CASD1: variants seen among roughly 807,000 people sequenced by gnomAD.
The protein encoded by CASD1 is CAS1 domain sialic acid O acetyltransferase 1.
A neutral mutation model predicts 100.0 loss-of-function variants in CASD1; 41 were observed. The ratio of observed to expected loss-of-function variants is 0.41; its 90% CI spans 0.32 to 0.53. The LOEUF is 0.53. Among genes scored for constraint, CASD1 ranks in the 20% least tolerant of loss-of-function variants. The probability of loss-of-function intolerance (pLI) is 0.25; values close to 1 mark genes in which losing one functional copy is unlikely to be tolerated. For synonymous variants in CASD1, 321 were observed against 315.6 expected (o/e 1.02, Z -0.18); for missense variants, 774 against 948.7 (o/e 0.82, Z 2.42).
the CASD1 span, chr7:94,585,601 A>C: frequency 3.5e-6 from 3 of 861,822 alleles, no homozygotes; most frequent in South Asian, 4.0e-5. Flanking sequence ...TATGGCAAGG[A>C]GAAAGTTTCC....
chr7:94,588,786 A>G, the CASD1 span: 1 of 1,610,568 alleles, frequency 6.2e-7, no homozygotes, highest in South Asian at 1.1e-5. Context: ...ACTTGTAAAC[A>G]GAGAGCAGAC....
intron 11 of CASD1, 48 bp from the exon 12 acceptor site, chr7:94,545,497 T>G (rs375582923): frequency 2.7e-6 from 4 of 1,477,422 alleles, no homozygotes; most frequent in East Asian, 2.3e-5. Flanking sequence ...GTACCTAGAA[T>G]GAAAACAATT....
At chr7:94,613,806 A>G in the CASD1 span, among the ~76,000 whole-genome samples, 2 of 152,182 alleles carry the variant, frequency 1.3e-5, no homozygotes, top group African/African-American at 2.4e-5. Flanking sequence ...ATATGTCCAT[A>G]TATGTTACAT....
At chr7:94,599,843 A>G in the CASD1 span, 11 of 783,352 alleles carry the variant, frequency 1.4e-5, no homozygotes, top group Non-Finnish European at 2.4e-5. Flanking sequence ...ATTAAATGCA[A>G]CCAGGCAGCA....
the CASD1 span, chr7:94,626,938 T>G: frequency 6.6e-6 from 1 of 152,050 alleles, no homozygotes; most frequent in African/African-American, 2.4e-5. Flanking sequence ...TCCATAACTA[T>G]CATGACAATT....
At chr7:94,559,869 G>C (rs1318178203), downstream of CASD1, among the ~76,000 whole-genome samples, 4 of 151,992 alleles carry the variant, frequency 2.6e-5, no homozygotes, top group African/African-American at 4.8e-5. Flanking sequence ...GTAAAACTAA[G>C]AAAAATGGAA....
At chr7:94,614,433 C>G in the CASD1 span, among the ~76,000 whole-genome samples, 3 of 152,184 alleles carry the variant, frequency 2.0e-5, no homozygotes, top group South Asian at 6.2e-4. Context: ...AGGATGAAAT[C>G]CAAATAACTT....
the CASD1 span, among the ~76,000 whole-genome samples, chr7:94,568,125 TG>T: frequency 6.6e-6 from 1 of 152,170 alleles, no homozygotes; most frequent in East Asian, 1.9e-4. Context: ...TTTATAACAT[TG>T]TATGAAATAA....
the CASD1 span, among the ~76,000 whole-genome samples, chr7:94,562,920 C>G: frequency 1.3e-5 from 2 of 152,050 alleles, no homozygotes; most frequent in African/African-American, 4.8e-5. Context: ...CCAGAGAATG[C>G]TGGAGGATTC....
downstream of CASD1, among the ~76,000 whole-genome samples, chr7:94,561,790 A>G (rs1233371605): frequency 3.9e-5 from 6 of 152,046 alleles, no homozygotes; most frequent in Admixed American, 2.6e-4. Flanking sequence ...GCTAATATCT[A>G]TCTTCTGTGA....
At position 94,513,784 on chromosome 7, in the gene CASD1, A is replaced by G. The variant is rs577645769; in HGVS notation, c.133+3567A>G. 1.4e-4 allele frequency among the ~76,000 whole-genome samples: 22 copies of G among 152,366 alleles called. No individual in the cohort carries two copies. The South Asian group carries it at 3.7e-3, about 26-fold the overall frequency. On this transcript the variant is annotated intron_variant, in intron 1 of 17. Coordinates refer to ENST00000297273, the MANE Select transcript of CASD1 (RefSeq NM_022900.5). ...AAATAACTGTGGATAAATAGATTTCAAAGTCCTTATTTCCTTTTATGTTCT... is the reference window on the plus strand; with the variant it reads ...AAATAACTGTGGATAAATAGATTTCGAAGTCCTTATTTCCTTTTATGTTCT...
chr7:94,553,865 T>A (rs1043492344), intron 16 of CASD1: 1 of 151,776 alleles, frequency 6.6e-6, no homozygotes, highest in African/African-American at 2.4e-5. Flanking sequence ...TTGTTCCACC[T>A]GGTACAAAAG....
At chr7:94,535,670 T>C (rs551529374) in intron 8 of CASD1, 147 bp downstream of exon 8, 1 of 636,932 alleles carries the variant, frequency 1.6e-6, no homozygotes, top group Non-Finnish European at 2.7e-6. Flanking sequence ...CATCTAGAAA[T>C]TATTTTGCTT....
At chr7:94,544,704 A>G (rs1228983063) in intron 11 of CASD1, among the ~76,000 whole-genome samples, 174 bp downstream of exon 11, 1 of 152,138 alleles carries the variant, frequency 6.6e-6, no homozygotes, top group Non-Finnish European at 1.5e-5. Context: ...AAGATAAATT[A>G]TTAGTGAAAG....
chr7:94,513,287 C>CAAA (rs766687618), intron 1 of CASD1, among the ~76,000 whole-genome samples: 1,128 of 63,800 alleles, frequency 0.018, 16 homozygotes, highest in African/African-American at 0.047. Context: ...GATCGCATCC[C>CAAA]AAAAAAAAAA....
chr7:94,561,836 T>C (rs1796344264), downstream of CASD1, among the ~76,000 whole-genome samples: 1 of 152,148 alleles, frequency 6.6e-6, no homozygotes, highest in African/African-American at 2.4e-5. Flanking sequence ...TAAAGGAATG[T>C]TAGGGATTTG....
rs534286931 is a variant in CASD1, at chr7:94,518,487, A to T, written c.351+164A>T. Among the ~76,000 whole-genome samples the T allele has an allele frequency of 2.6e-5, 4 of 152,320 alleles. No homozygotes were observed. In the South Asian group the frequency reaches 8.3e-4, roughly 32 times the overall value. ...GGGATGAATTGCTTTAATGAGGAAG[A>T]TGACAAAAAGAAGTGGTGGCTAAGA... On this transcript the variant is annotated intron_variant, in intron 3 of 17. Coordinates refer to ENST00000297273, the MANE Select transcript of CASD1 (RefSeq NM_022900.5).
At chr7:94,554,439 C>T (rs1350115819) in intron 16 of CASD1, 44 bp from the exon 17 acceptor site, 2 of 1,272,964 alleles carry the variant, frequency 1.6e-6, no homozygotes, top group Non-Finnish European at 2.2e-6. Context: ...AAATACTTTT[C>T]AATAAAGAGA....
At chr7:94,599,191 A>C in the CASD1 span, 2 of 482,698 alleles carry the variant, frequency 4.1e-6, no homozygotes, top group East Asian at 7.1e-5. Context: ...GTTTTATTAA[A>C]CTAAGCTATG....
Sources: gnomAD v4.1 joint callset for allele counts (sites outside exome capture counted in the v4.1 genomes callset) on GRCh38, gnomAD v4.1.1 for gene constraint, MANE v1.5 for transcripts, NCBI Gene and HGNC (gene_info 2026-07-23, HGNC 2026-07-21) for gene names.